DGAT2L6: variants seen among roughly 807,000 people sequenced by gnomAD.
DGAT2L6 encodes the protein diacylglycerol O-acyltransferase 2 like 6.
Under a neutral mutation model 25.5 loss-of-function variants are expected in DGAT2L6, and 22 were observed. That is an observed-to-expected ratio of 0.86 (90% CI 0.62 to 1.23). The LOEUF is 1.23. Among genes scored for constraint, DGAT2L6 ranks in the 50% most tolerant of loss-of-function variants. The probability of loss-of-function intolerance (pLI) is 0.00; values close to 1 mark genes in which losing one functional copy is unlikely to be tolerated. For synonymous variants in DGAT2L6, 100 were observed against 94.7 expected, an observed-to-expected ratio of 1.06 and a Z score of -0.32; for missense variants, 287 against 253.2, an observed-to-expected ratio of 1.13 and a Z score of -0.91.
chrX:70,182,344 C>T (rs2085345767), intron 1 of DGAT2L6, among the ~76,000 whole-genome samples: 1 of 110,184 alleles, frequency 9.1e-6, no homozygotes. Context: ...TCCCTCATCT[C>T]TTCCGGGCTT....
chrX:70,178,690 T>C (rs768345063), intron 1 of DGAT2L6, among the ~76,000 whole-genome samples: 2 of 111,227 alleles, frequency 1.8e-5, no homozygotes, highest in Non-Finnish European at 3.8e-5. Context: ...TCAACCAGGG[T>C]CCTATAGACC....
chrX:70,182,414 C>T (rs2085345927), intron 1 of DGAT2L6, among the ~76,000 whole-genome samples: 1 of 106,783 alleles, frequency 9.4e-6, no homozygotes, highest in Non-Finnish European at 1.9e-5. Flanking sequence ...AACCTCTGAT[C>T]TCCACCCTCT....
chrX:70,183,789 T>G (rs1199503), intron 1 of DGAT2L6, among the ~76,000 whole-genome samples: 29,517 of 108,947 alleles, frequency 0.27, 3,163 homozygotes, highest in African/African-American at 0.37. Flanking sequence ...CAAATATTTT[T>G]GGAGGCCGAG....
intron 1 of DGAT2L6, among the ~76,000 whole-genome samples, chrX:70,178,685 C>G (rs995178664): frequency 9.0e-6 from 1 of 111,693 alleles, no homozygotes; most frequent in South Asian, 3.8e-4. Flanking sequence ...GGCTCTCAAC[C>G]AGGGTCCTAT....
chrX:70,179,211 T>C (rs1238897373), intron 1 of DGAT2L6, among the ~76,000 whole-genome samples: 4 of 112,334 alleles, frequency 3.6e-5, no homozygotes, highest in African/African-American at 1.3e-4. Flanking sequence ...GCTAAGCCCA[T>C]TGATGGCTTG....
chrX:70,204,631 G>A (rs1385595081), intron 6 of DGAT2L6, 115 bp downstream of exon 6: 3 of 876,011 alleles, frequency 3.4e-6, no homozygotes, highest in Non-Finnish European at 3.2e-6. Context: ...CAATGGGTGT[G>A]GTTAAGAGCA....
chrX:70,204,573 T>C (rs1190565130), intron 6 of DGAT2L6, 57 bp downstream of exon 6: 2 of 1,160,066 alleles, frequency 1.7e-6, no homozygotes, highest in Non-Finnish European at 2.3e-6. Flanking sequence ...CCACCCACTT[T>C]AAATCATCCA....
intron 5 of DGAT2L6, among the ~76,000 whole-genome samples, chrX:70,202,666 C>T (rs1364412850): frequency 9.0e-6 from 1 of 111,469 alleles, no homozygotes; most frequent in African/African-American, 3.3e-5. Flanking sequence ...AGGCTACCAC[C>T]CCTTGGTTTA....
intron 1 of DGAT2L6, among the ~76,000 whole-genome samples, 181 bp from the exon 2 acceptor site, chrX:70,199,090 C>T (rs141399155): frequency 0.011 from 1,188 of 111,511 alleles, 21 homozygotes; most frequent in African/African-American, 0.037. Flanking sequence ...GCTTCAGAGG[C>T]CTGCCTAGAC....
chrX:70,198,221 C>T (rs1027016862), intron 1 of DGAT2L6, among the ~76,000 whole-genome samples: 1 of 112,492 alleles, frequency 8.9e-6, no homozygotes, highest in Non-Finnish European at 1.9e-5. Context: ...GGAATTCATT[C>T]GCACTGCTGT....
Position 70,205,007 on chromosome X carries a change from C to T in DGAT2L6, c.915C>T (p.Asp305=), listed in dbSNP as rs144932495. ...RIKRPNQKTV[D]KYHALYISAL... ...AGAGGCCAAACCAGAAGACAGTAGA[C>T]AAGTATCACGCACTCTACATCAGTG... The change falls in exon 7 of 7, where the codon GAC becomes GAT. Residue 305 remains aspartate (D), a synonymous_variant. Transcript: ENST00000333026. 2 of 1,203,576 alleles carry T rather than the reference C, an allele frequency of 1.7e-6. No individual in the cohort carries two copies. The highest frequency in any genetic ancestry group is 3.5e-5 in the African/African-American group (2 of 56,784).
At chrX:70,190,957 C>T (rs1382065443) in intron 1 of DGAT2L6, among the ~76,000 whole-genome samples, 1 of 111,973 alleles carries the variant, frequency 8.9e-6, no homozygotes, top group African/African-American at 3.2e-5. Flanking sequence ...TGGTTCTAGC[C>T]CTTCTCAGCC....
chrX:70,197,060 C>A (rs746051710), intron 1 of DGAT2L6, among the ~76,000 whole-genome samples: 1 of 110,713 alleles, frequency 9.0e-6, no homozygotes, highest in East Asian at 2.8e-4. Flanking sequence ...AAATTAGGAG[C>A]CTACCTATGT....
intron 1 of DGAT2L6, among the ~76,000 whole-genome samples, chrX:70,185,638 A>C (rs916757349): frequency 1.8e-5 from 2 of 111,597 alleles, no homozygotes; most frequent in African/African-American, 6.5e-5. Flanking sequence ...CATTATTTTC[A>C]TCATTTCCAT....
At chrX:70,191,857 T>G (rs1287072217) in intron 1 of DGAT2L6, among the ~76,000 whole-genome samples, 1 of 110,475 alleles carries the variant, frequency 9.1e-6, no homozygotes, top group African/African-American at 3.3e-5. Flanking sequence ...CAGGAGGGAG[T>G]GGGATGATAC....
intron 1 of DGAT2L6, among the ~76,000 whole-genome samples, chrX:70,182,662 T>C (rs772478614): frequency 4.7e-5 from 5 of 106,707 alleles, no homozygotes; most frequent in African/African-American, 1.7e-4. Context: ...TGTTTGTTTG[T>C]TTTTGTTTTG....
intron 1 of DGAT2L6, among the ~76,000 whole-genome samples, chrX:70,181,007 A>T (rs1318576270): frequency 8.9e-6 from 1 of 112,362 alleles, no homozygotes; most frequent in African/African-American, 3.2e-5. Flanking sequence ...TGTTGCTATG[A>T]ACATAGATGT....
intron 1 of DGAT2L6, among the ~76,000 whole-genome samples, chrX:70,192,351 G>A (rs1456531834): frequency 1.8e-5 from 2 of 112,218 alleles, no homozygotes. Context: ...AGGTGTTTAA[G>A]TTGAAATGAA....
chrX:70,187,344 AG>A (rs2085362881), intron 1 of DGAT2L6, among the ~76,000 whole-genome samples: 1 of 109,336 alleles, frequency 9.1e-6, no homozygotes, highest in Non-Finnish European at 1.9e-5. Context: ...CAGGCAGAGA[AG>A]CCCTGAAGCT....
Sources: allele counts gnomAD v4.1 joint callset (sites outside exome capture counted in the v4.1 genomes callset), GRCh38; gene constraint gnomAD v4.1.1; transcripts MANE v1.5; gene names NCBI Gene and HGNC (gene_info 2026-07-23, HGNC 2026-07-21).